Variants in NECAB2 observed in about 807,000 individuals in gnomAD.
The protein encoded by NECAB2 is N-terminal EF-hand calcium binding protein 2.
A neutral mutation model predicts 51.9 loss-of-function variants in NECAB2; 68 were observed. The observed-to-expected ratio is 1.31, with a 90% CI of 1.08 to 1.60. NECAB2 has a LOEUF of 1.60. NECAB2 is among the 40% of genes most tolerant of loss of function. The pLI is 0.00. For missense variants in NECAB2, 854 were observed against 490.3 expected (o/e 1.74, Z -7.00); for synonymous variants, 329 against 203.5 (o/e 1.62, Z -5.25).
intron 10 of NECAB2, among the ~76,000 whole-genome samples, chr16:83,999,350 A>G (rs905380530): frequency 1.8e-4 from 28 of 152,298 alleles, no homozygotes; most frequent in Middle Eastern, 6.8e-3. Context: ...CATTACGTGA[A>G]TAAGTGGGAG....
Position 83,980,859 on chromosome 16 carries a change from T to A in NECAB2, c.356T>A (p.Leu119Gln). 6.2e-7 allele frequency: 1 copy of A among 1,605,462 alleles called. No individual in the cohort carries two copies. Among genetic ancestry groups the A allele is most frequent in the Non-Finnish European group, 8.5e-7 (1 of 1,175,468 alleles). ...DNTNHVDTKE[L>Q]CDYFVDHMGD... Reference sequence around the variant, plus strand: ...TGCAGCCATGTGGACACCAAGGAGCTGTGTGGTAGGTGCCTGGCTATGCTG... The same window carrying A: ...TGCAGCCATGTGGACACCAAGGAGCAGTGTGGTAGGTGCCTGGCTATGCTG... Residue 119 changes from leucine to glutamine, a missense_variant, in exon 4 of 13, where the codon CTG (leucine) becomes CAG (glutamine). Transcript: ENST00000305202.
chr16:83,998,389 G>T, intron 10 of NECAB2, 72 bp downstream of exon 10: 2 of 1,439,194 alleles, frequency 1.4e-6, no homozygotes, highest in Non-Finnish European at 1.9e-6. Flanking sequence ...AACAGGGCAG[G>T]ACTAGGCTTT....
chr16:83,986,607 G>C (rs1468843136), intron 5 of NECAB2, among the ~76,000 whole-genome samples: 3 of 151,908 alleles, frequency 2.0e-5, no homozygotes, highest in African/African-American at 7.3e-5. Context: ...CAACCTCCCA[G>C]ACCCAAGTGA....
In NECAB2 at chr16:83,968,786, C is replaced by T; in HGVS notation, c.138C>T (p.Ala46=). ...ARMGEPRESL[A]PAAPADPGPA... The stretch of plus-strand genomic sequence containing the variant: ...TGGGCGAGCCCCGGGAGTCGCTGGC[C>T]CCCGCCGCCCCCGCGGACCCCGGCC... The change falls in exon 1 of 13, where the codon GCC becomes GCT. Residue 46 remains alanine (A), a synonymous_variant. Transcript: ENST00000305202. 1 of 1,114,226 alleles carries T rather than the reference C, an allele frequency of 9.0e-7. No homozygotes were observed. Among genetic ancestry groups the T allele is most frequent in the Non-Finnish European group, 1.1e-6 (1 of 914,148 alleles). 69.0% of individuals were successfully genotyped at this position (1,114,226 alleles called of 1,614,324 possible).
chr16:83,994,943 GCAGGAGCAGCTC>G (rs1173355089), intron 8 of NECAB2, among the ~76,000 whole-genome samples: 1 of 152,194 alleles, frequency 6.6e-6, no homozygotes. Context: ...CCTGCAGGCA[GCAGGAGCAGCTC>G]CAGGAGCAGA....
chr16:83,985,730 T>A (rs1181579279), intron 5 of NECAB2, among the ~76,000 whole-genome samples: 1 of 152,190 alleles, frequency 6.6e-6, no homozygotes, highest in African/African-American at 2.4e-5. Context: ...CCTGTTATGT[T>A]CTCATTTATT....
chr16:83,996,393 C>G (rs1014263393), intron 8 of NECAB2, among the ~76,000 whole-genome samples: 2 of 152,154 alleles, frequency 1.3e-5, no homozygotes, highest in African/African-American at 4.8e-5. Context: ...GTCCCTTGCT[C>G]AAACATTTAG....
intron 8 of NECAB2, among the ~76,000 whole-genome samples, chr16:83,995,934 T>C (rs1002647055): frequency 6.6e-6 from 1 of 152,194 alleles, no homozygotes; most frequent in Non-Finnish European, 1.5e-5. Context: ...CTGAAGCTTA[T>C]TTTTAGAGCA....
At chr16:83,990,805 C>G (rs114099339) in intron 6 of NECAB2, among the ~76,000 whole-genome samples, 175 bp downstream of exon 6, 1 of 151,992 alleles carries the variant, frequency 6.6e-6, no homozygotes, top group Non-Finnish European at 1.5e-5. Flanking sequence ...AATTATATAC[C>G]TAAAATCTCA....
chr16:83,999,506 A>C (rs1043034988), intron 10 of NECAB2, among the ~76,000 whole-genome samples: 13 of 152,112 alleles, frequency 8.5e-5, no homozygotes, highest in African/African-American at 2.7e-4. Context: ...CTAAAGCTGC[A>C]CGGAGGTGTG....
chr16:83,990,392 A>G (rs2084607014), intron 5 of NECAB2, 102 bp from the exon 6 acceptor site: 5 of 1,478,354 alleles, frequency 3.4e-6, no homozygotes, highest in Non-Finnish European at 4.6e-6. Context: ...TTTGCAAAGC[A>G]AATTCACCAG....
At chr16:83,983,248 T>C (rs898007526) in intron 5 of NECAB2, among the ~76,000 whole-genome samples, 5 of 152,354 alleles carry the variant, frequency 3.3e-5, no homozygotes, top group Middle Eastern at 3.4e-3. Flanking sequence ...TTTTCTTGTA[T>C]GTGCTGTTTG....
At chr16:83,985,592 C>A (rs1342873759) in intron 5 of NECAB2, among the ~76,000 whole-genome samples, 1 of 151,376 alleles carries the variant, frequency 6.6e-6, no homozygotes, top group African/African-American at 2.4e-5. Context: ...GAGACTGCCC[C>A]ACTGCACTCC....
At chr16:83,997,783 A>C (rs968200932) in intron 9 of NECAB2, among the ~76,000 whole-genome samples, 3 of 152,038 alleles carry the variant, frequency 2.0e-5, no homozygotes, top group African/African-American at 7.2e-5. Context: ...GTGAGCCACC[A>C]CACCTGGCCC....
intron 2 of NECAB2, among the ~76,000 whole-genome samples, chr16:83,973,295 G>A (rs2084368826): frequency 6.6e-6 from 1 of 152,168 alleles, no homozygotes; most frequent in South Asian, 2.1e-4. Context: ...CCTCATCCCT[G>A]GGAGTTCCTG....
At chr16:83,986,173 C>T (rs866475498) in intron 5 of NECAB2, among the ~76,000 whole-genome samples, 8 of 152,120 alleles carry the variant, frequency 5.3e-5, no homozygotes, top group Admixed American at 1.3e-4. Context: ...TGCACCACCA[C>T]GCCCGGCTAA....
intron 2 of NECAB2, among the ~76,000 whole-genome samples, chr16:83,975,252 C>T (rs2665293): frequency 6.3e-5 from 6 of 95,756 alleles, no homozygotes; most frequent in South Asian, 3.6e-4. Context: ...GAATGTGAAC[C>T]GGTGTGCAGG....
chr16:83,988,265 C>G (rs1362073711), intron 5 of NECAB2, among the ~76,000 whole-genome samples: 2 of 152,030 alleles, frequency 1.3e-5, no homozygotes, highest in East Asian at 3.9e-4. Flanking sequence ...CTTTCTTCAT[C>G]TCTTTTACAT....
intron 2 of NECAB2, among the ~76,000 whole-genome samples, chr16:83,972,680 A>G (rs1157829907): frequency 1.3e-5 from 2 of 152,210 alleles, no homozygotes; most frequent in South Asian, 4.1e-4. Context: ...GCCCAGCTGC[A>G]TGAAGGAAAC....
Sources: gnomAD v4.1 joint callset for allele counts (sites outside exome capture counted in the v4.1 genomes callset) on GRCh38, gnomAD v4.1.1 for gene constraint, MANE v1.5 for transcripts, NCBI Gene and HGNC (gene_info 2026-07-23, HGNC 2026-07-21) for gene names.